Variants in RIMBP2 observed in about 807,000 individuals in gnomAD.
RIMBP2 encodes RIMS-binding protein 2.
In RIMBP2, 48 loss-of-function variants were observed where a neutral mutation model predicts 118.6. The ratio of observed to expected loss-of-function variants is 0.40; its 90% CI spans 0.32 to 0.51. RIMBP2 has a LOEUF of 0.51. Among genes scored for constraint, RIMBP2 ranks in the 20% least tolerant of loss-of-function variants. The pLI, the probability that RIMBP2 is intolerant of heterozygous loss-of-function variation, is 0.41. For synonymous variants in RIMBP2, 762 were observed against 742.9 expected, an observed-to-expected ratio of 1.03 and a Z score of -0.42; for missense variants, 1,551 against 1,768.3, an observed-to-expected ratio of 0.88 and a Z score of 2.20.
chr12:130,595,431 G>A (rs1029744983), intron 2 of RIMBP2, among the ~76,000 whole-genome samples: 13 of 152,124 alleles, frequency 8.5e-5, no homozygotes, highest in South Asian at 2.1e-4. Flanking sequence ...GGTGGCGGGC[G>A]CCTGTAGTCC....
chr12:130,491,209 C>A (rs1357232500), intron 4 of RIMBP2, among the ~76,000 whole-genome samples: 13 of 152,194 alleles, frequency 8.5e-5, no homozygotes, highest in Admixed American at 8.5e-4. Context: ...GGCACAACAA[C>A]GCTTGAAGCA....
At chr12:130,678,172 A>G (rs1718893560) in intron 1 of RIMBP2, among the ~76,000 whole-genome samples, 2 of 152,152 alleles carry the variant, frequency 1.3e-5, no homozygotes, top group Admixed American at 1.3e-4. Context: ...CTCTGCCTGG[A>G]TTAGAGCCAG....
chr12:130,580,931 GTGTGTGTGTGTGTGTGTTTGTT>G (rs2058436168), intron 2 of RIMBP2, among the ~76,000 whole-genome samples: 1 of 151,630 alleles, frequency 6.6e-6, no homozygotes, highest in Admixed American at 6.6e-5. Context: ...GCAATGGTGT[GTGTGTGTGTGTGTGTGTTTGTT>G]TGTGTGTGTG....
chr12:130,561,494 C>A (rs1341976418), intron 2 of RIMBP2, among the ~76,000 whole-genome samples: 1 of 152,158 alleles, frequency 6.6e-6, no homozygotes, highest in African/African-American at 2.4e-5. Context: ...TTTCCACCTT[C>A]TTCTTAATTG....
chr12:130,646,037 AGTTCC>A (rs1177369374), intron 1 of RIMBP2, among the ~76,000 whole-genome samples: 5 of 151,954 alleles, frequency 3.3e-5, no homozygotes, highest in African/African-American at 1.2e-4. Context: ...TGCGGCAGCC[AGTTCC>A]CTCTCCACCT....
At chr12:130,453,919 C>T (rs951839379) in intron 7 of RIMBP2, among the ~76,000 whole-genome samples, 2 of 151,938 alleles carry the variant, frequency 1.3e-5, no homozygotes, top group African/African-American at 2.4e-5. Flanking sequence ...CCAGGCGCGG[C>T]GGTGCACACC....
intron 2 of RIMBP2, among the ~76,000 whole-genome samples, chr12:130,530,791 C>T (rs928036143): frequency 2.0e-5 from 3 of 152,170 alleles, no homozygotes; most frequent in African/African-American, 7.2e-5. Context: ...TCTGTCTTCT[C>T]ACCTTCTCCT....
At chr12:130,584,449 TCATCACCAC>T (rs1338429596) in intron 2 of RIMBP2, among the ~76,000 whole-genome samples, 1 of 136,470 alleles carries the variant, frequency 7.3e-6, no homozygotes. Flanking sequence ...CACCATCACC[TCATCACCAC>T]CACCACCATC....
At chr12:130,701,892 T>G (rs1170255304) in intron 1 of RIMBP2, among the ~76,000 whole-genome samples, 14 of 152,044 alleles carry the variant, frequency 9.2e-5, no homozygotes, top group Admixed American at 5.9e-4. Context: ...TTCACCCCGC[T>G]GGAGGTACAT....
chr12:130,613,966 T>G (rs1451525053), intron 2 of RIMBP2, among the ~76,000 whole-genome samples: 3 of 152,088 alleles, frequency 2.0e-5, no homozygotes, highest in African/African-American at 7.2e-5. Context: ...GGCAGGTCCT[T>G]TCAGCCCTCA....
intron 2 of RIMBP2, among the ~76,000 whole-genome samples, chr12:130,611,596 G>C (rs2060559834): frequency 6.6e-6 from 1 of 152,198 alleles, no homozygotes. Flanking sequence ...CCGTAGCCTG[G>C]GCTAGGACCT....
At chr12:130,428,392 G>A in intron 14 of RIMBP2, 55 bp from the exon 15 acceptor site, 3 of 1,548,450 alleles carry the variant, frequency 1.9e-6, no homozygotes, top group Non-Finnish European at 1.7e-6. Flanking sequence ...CATCCTACAA[G>A]AGGCCAGATT....
intron 4 of RIMBP2, among the ~76,000 whole-genome samples, chr12:130,480,505 C>T (rs1364633660): frequency 1.3e-5 from 2 of 152,370 alleles, no homozygotes; most frequent in East Asian, 3.9e-4. Flanking sequence ...GGGGGACCCA[C>T]ACGCCTTCCT....
intron 2 of RIMBP2, among the ~76,000 whole-genome samples, chr12:130,611,205 C>G (rs995397922): frequency 6.6e-6 from 1 of 152,238 alleles, no homozygotes; most frequent in African/African-American, 2.4e-5. Context: ...GGACCGGGAA[C>G]CGCCGCAGCT....
rs1350899288 is a variant in RIMBP2 at position 130,664,426 on chromosome 12, CACATGCAT to C, written c.-351-35978_-351-35971del. On this transcript the variant is annotated intron_variant, in intron 1 of 22. Coordinates refer to ENST00000690449, the MANE Select transcript of RIMBP2 (RefSeq NM_001393629.1). ...ACGCACGCACGCACACACACGCACA[CACATGCAT>C]GCACGCACACACGCACACACATGCA... Among the ~76,000 whole-genome samples, 135 of 87,798 alleles carry C rather than the reference CACATGCAT, an allele frequency of 1.5e-3. 3 individuals are homozygous for C. Among genetic ancestry groups the C allele is most frequent in the Admixed American group, 1.9e-3 (19 of 9,930 alleles). 57.6% of individuals were successfully genotyped at this position (87,798 alleles called of 152,430 possible).
chr12:130,403,236 A>C (rs2074824377), intron 21 of RIMBP2, among the ~76,000 whole-genome samples: 1 of 152,228 alleles, frequency 6.6e-6, no homozygotes, highest in African/African-American at 2.4e-5. Flanking sequence ...GAAATACTTA[A>C]ATGAACTGGG....
chr12:130,413,350 A>G (rs2075864929), intron 18 of RIMBP2, among the ~76,000 whole-genome samples: 1 of 152,042 alleles, frequency 6.6e-6, no homozygotes, highest in Admixed American at 6.6e-5. Flanking sequence ...CTCTCCTCTC[A>G]GAAGGCTGGA....
intron 2 of RIMBP2, among the ~76,000 whole-genome samples, chr12:130,559,335 A>C (rs563949782): frequency 3.3e-5 from 5 of 151,894 alleles, no homozygotes; most frequent in African/African-American, 1.2e-4. Flanking sequence ...CCTGGCCCCA[A>C]CCTCTGGTAA....
In RIMBP2 at chr12:130,490,016, C is replaced by T. The variant is rs112321201; in HGVS notation, c.-3-11000G>A. On this transcript the variant is annotated intron_variant, in intron 4 of 22. Transcript: ENST00000690449. ...GCAGGCACCTGTAGTTCCAGCTATT[C>T]GGGAGGCTGAGGCAAGAGAATCGCT... 8.5e-3 allele frequency among the ~76,000 whole-genome samples: 1,263 copies of T among 149,046 alleles called. 8 individuals carry two copies. Among genetic ancestry groups the T allele is most frequent in the Middle Eastern group, 0.014 (4 of 286 alleles).
Sources: gnomAD v4.1 joint callset for allele counts (sites outside exome capture counted in the v4.1 genomes callset) on GRCh38, gnomAD v4.1.1 for gene constraint, MANE v1.5 for transcripts, NCBI Gene and HGNC (gene_info 2026-07-23, HGNC 2026-07-21) for gene names.